CPA3: variants seen among roughly 807,000 people sequenced by gnomAD.
The protein encoded by CPA3 is mast cell carboxypeptidase A.
A neutral mutation model predicts 55.8 loss-of-function variants in CPA3; 52 were observed. The ratio of observed to expected loss-of-function variants is 0.93; its 90% confidence interval spans 0.75 to 1.17. The LOEUF (loss-of-function observed/expected upper bound fraction) is 1.17, where lower values mean the gene tolerates loss of function less well. CPA3 is among the 50% of genes most tolerant of loss of function. The pLI, the probability that CPA3 is intolerant of heterozygous loss-of-function variation, is 0.00. For synonymous variants in CPA3, 179 were observed against 171.2 expected, an observed-to-expected ratio of 1.05 and a Z score of -0.36; for missense variants, 547 against 509.1, an observed-to-expected ratio of 1.07 and a Z score of -0.72.
chr3:148,893,316 G>T (rs1424998428), intron 10 of CPA3, among the ~76,000 whole-genome samples: 1 of 148,684 alleles, frequency 6.7e-6, no homozygotes, highest in Non-Finnish European at 1.5e-5. Flanking sequence ...TATCATCAAA[G>T]AAATAAATAT....
intron 2 of CPA3, among the ~76,000 whole-genome samples, chr3:148,867,834 T>C (rs910543239): frequency 2.0e-5 from 3 of 152,208 alleles, no homozygotes; most frequent in Admixed American, 1.3e-4. Context: ...AGTTTCACAA[T>C]TGAGTATGAT....
intron 7 of CPA3, among the ~76,000 whole-genome samples, 183 bp downstream of exon 7, chr3:148,881,815 A>T (rs1450448888): frequency 6.6e-6 from 1 of 152,224 alleles, no homozygotes; most frequent in Non-Finnish European, 1.5e-5. Flanking sequence ...TTGAAATAAT[A>T]TAAAATTTTT....
chr3:148,895,929 T>C (rs1714814983), intron 10 of CPA3, among the ~76,000 whole-genome samples: 1 of 152,246 alleles, frequency 6.6e-6, no homozygotes, highest in Non-Finnish European at 1.5e-5. Context: ...AACCTTTAGA[T>C]GTGTGTTTAT....
At chr3:148,877,104 G>A (rs1342724299) in intron 3 of CPA3, among the ~76,000 whole-genome samples, 1 of 152,210 alleles carries the variant, frequency 6.6e-6, no homozygotes, top group Admixed American at 6.5e-5. Flanking sequence ...TAAGCCTAGA[G>A]TTCAGAGGAG....
chr3:148,887,300 C>T (rs1714558927), intron 10 of CPA3, among the ~76,000 whole-genome samples: 2 of 152,136 alleles, frequency 1.3e-5, no homozygotes, highest in African/African-American at 4.8e-5. Flanking sequence ...CCAGGATTTG[C>T]CAACTCCCAT....
At chr3:148,895,632 G>A (rs1289836668) in intron 10 of CPA3, among the ~76,000 whole-genome samples, 1 of 152,116 alleles carries the variant, frequency 6.6e-6, no homozygotes, top group Non-Finnish European at 1.5e-5. Context: ...AATATTAAAG[G>A]TTTAATAAAT....
intron 2 of CPA3, among the ~76,000 whole-genome samples, chr3:148,866,525 G>T (rs1358526848): frequency 6.6e-6 from 1 of 152,224 alleles, no homozygotes; most frequent in Non-Finnish European, 1.5e-5. Context: ...CTAAGAAGCA[G>T]CCTAGTACGG....
intron 9 of CPA3, among the ~76,000 whole-genome samples, chr3:148,884,955 G>T (rs566934774): frequency 1.3e-5 from 2 of 151,862 alleles, no homozygotes; most frequent in Admixed American, 6.6e-5. Flanking sequence ...GGTTATATAC[G>T]TTATATGTAT....
intron 9 of CPA3, among the ~76,000 whole-genome samples, chr3:148,885,298 GTATATTT>G (rs1224516306): frequency 6.2e-5 from 9 of 145,522 alleles, no homozygotes; most frequent in Admixed American, 4.8e-4. Context: ...GAAAAATAAT[GTATATTT>G]TATATTTTAG....
chr3:148,873,061 C>T (rs574439515), intron 3 of CPA3, among the ~76,000 whole-genome samples: 9 of 138,874 alleles, frequency 6.5e-5, no homozygotes, highest in Admixed American at 2.9e-4. Flanking sequence ...CACACACACA[C>T]TCACACAGAA....
At position 148,879,835 on chromosome 3, in the gene CPA3, C is replaced by A; in HGVS notation, c.522C>A (p.Gly174=). The change falls in exon 6 of 11, where the codon GGC becomes GGA. Residue 174 remains glycine (G), a synonymous_variant. Coordinates refer to ENST00000296046, the MANE Select transcript of CPA3 (RefSeq NM_001870.4). ...ERRKAIFTDC[G]IHAREWVSPA... ...GAAAGGCTATTTTTACGGATTGTGG[C>A]ATTCACGCACGAGAATGGGTCTCCC... 1 of 1,612,610 alleles carries A rather than the reference C, an allele frequency of 6.2e-7. No homozygotes were observed. The highest frequency in any genetic ancestry group is 8.5e-7 in the Non-Finnish European group (1 of 1,178,850).
At chr3:148,895,858 TTATGA>T (rs77184589) in intron 10 of CPA3, among the ~76,000 whole-genome samples, 65,606 of 151,540 alleles carry the variant, frequency 0.43, 16,492 homozygotes, top group Non-Finnish European at 0.57. Context: ...ATAAATGCAA[TTATGA>T]TATGTATATG....
intron 10 of CPA3, among the ~76,000 whole-genome samples, chr3:148,889,465 T>C (rs994260387): frequency 1.3e-5 from 2 of 152,140 alleles, no homozygotes; most frequent in Non-Finnish European, 2.9e-5. Flanking sequence ...GTTTGCTCTT[T>C]GAACATGAGA....
intron 10 of CPA3, among the ~76,000 whole-genome samples, chr3:148,887,317 T>C (rs9841013): frequency 0.43 from 66,092 of 152,072 alleles, 16,740 homozygotes; most frequent in Non-Finnish European, 0.57. Context: ...CCATACTTTA[T>C]ACTAAATAAT....
chr3:148,893,981 G>C (rs1714751562), intron 10 of CPA3, among the ~76,000 whole-genome samples: 1 of 152,218 alleles, frequency 6.6e-6, no homozygotes, highest in Non-Finnish European at 1.5e-5. Context: ...AGGGAAATCA[G>C]CAGATGTGTG....
chr3:148,869,047 C>T lies in CPA3; in HGVS notation c.269+8C>T. The T allele has an allele frequency of 6.2e-7, 1 of 1,609,410 alleles. No individual in the cohort carries two copies. The highest frequency in any genetic ancestry group is 8.5e-7 in the Non-Finnish European group (1 of 1,176,952). On this transcript the variant is annotated splice_region_variant and intron_variant, in intron 3 of 10. Transcript: ENST00000296046. ...AAATAAAATGCACTATGAGTAAGTC[C>T]TTGGCAAATATTGAAATTTGTTGGA... is the stretch of plus-strand genomic sequence containing the variant.
At position 148,878,537 on chromosome 3, in the gene CPA3, G is replaced by A. The variant is rs780857203; in HGVS notation, c.366G>A (p.Trp122Ter). 1 of 1,609,168 alleles carries A rather than the reference G, an allele frequency of 6.2e-7. No homozygotes were observed. The highest frequency in any genetic ancestry group is 2.2e-5 in the East Asian group (1 of 44,784). The change falls in exon 4 of 11, where the codon TGG becomes TGA. Residue 122 changes from tryptophan (W) to a stop codon, truncating the protein, a stop_gained. Transcript: ENST00000296046. LOFTEE classifies it high-confidence loss of function. ...GRHSYAKYNN[W>*]EKIVAWTEKM... Reference sequence around the variant, plus strand: ...ACAGCTACGCAAAATACAATAATTGGGAAAAGGTACAGTAAAAAATGCCTG... The same window carrying A: ...ACAGCTACGCAAAATACAATAATTGAGAAAAGGTACAGTAAAAAATGCCTG...
chr3:148,893,008 G>A (rs927624452), intron 10 of CPA3, among the ~76,000 whole-genome samples: 2 of 151,952 alleles, frequency 1.3e-5, no homozygotes, highest in African/African-American at 4.8e-5. Context: ...CACAAAAGTA[G>A]GCCAGGGCCT....
intron 10 of CPA3, among the ~76,000 whole-genome samples, chr3:148,890,601 T>G (rs1002387304): frequency 6.6e-6 from 1 of 152,240 alleles, no homozygotes; most frequent in Non-Finnish European, 1.5e-5. Context: ...TATTTCAGTG[T>G]ATGCCCATGT....
Sources: allele counts gnomAD v4.1 joint callset (sites outside exome capture counted in the v4.1 genomes callset), GRCh38; gene constraint gnomAD v4.1.1; transcripts MANE v1.5; gene names NCBI Gene and HGNC (gene_info 2026-07-23, HGNC 2026-07-21).